AHNAK: variants seen among roughly 807,000 people sequenced by gnomAD.
AHNAK encodes the protein AHNAK nucleoprotein, also known as neuroblast differentiation-associated protein AHNAK.
A neutral mutation model predicts 37.8 loss-of-function variants in AHNAK; 23 were observed. That is an observed-to-expected ratio of 0.61 (90% CI 0.44 to 0.86). The LOEUF (loss-of-function observed/expected upper bound fraction) is 0.86. Ranked by LOEUF, AHNAK falls within the 40% of genes least tolerant of loss-of-function variation. The pLI is 0.00. For missense variants in AHNAK, 7,411 were observed against 7,319.4 expected (o/e 1.01, Z -0.46); for synonymous variants, 2,481 against 2,636.3 (o/e 0.94, Z 1.80).
intron 5 of AHNAK, among the ~76,000 whole-genome samples, chr11:62,489,506 T>C (rs778139600): frequency 2.0e-5 from 3 of 152,028 alleles, no homozygotes; most frequent in Non-Finnish European, 4.4e-5. Flanking sequence ...AGTCTATCCA[T>C]GGAGGAAAAG....
intron 5 of AHNAK, among the ~76,000 whole-genome samples, chr11:62,465,562 A>G (rs1565203531): frequency 6.6e-6 from 1 of 152,056 alleles, no homozygotes; most frequent in Non-Finnish European, 1.5e-5. Context: ...GCAGTGAGCC[A>G]AGATCGTGCC....
chr11:62,441,659 G>A (rs911296628), intron 5 of AHNAK, among the ~76,000 whole-genome samples: 10 of 151,632 alleles, frequency 6.6e-5, no homozygotes, highest in South Asian at 4.2e-4. Context: ...ATGCCATCAC[G>A]CCCAGCTAAC....
intron 5 of AHNAK, among the ~76,000 whole-genome samples, chr11:62,491,121 C>CA (rs1203624336): frequency 6.6e-6 from 1 of 152,022 alleles, no homozygotes. Flanking sequence ...CAATTACCTC[C>CA]AAAAAACAGT....
In AHNAK at chr11:62,520,355, C is replaced by T; in HGVS notation, c.14062G>A (p.Val4688Met). The T allele has an allele frequency of 6.2e-7, 1 of 1,613,488 alleles. No homozygotes were observed. The highest frequency in any genetic ancestry group is 8.5e-7 in the Non-Finnish European group (1 of 1,179,920). Residue 4688 changes from valine to methionine, a missense_variant, in exon 5 of 5, where the codon GTG (valine) becomes ATG (methionine). Val to Met is a conservative substitution (Grantham distance 21, BLOSUM62 1). Coordinates refer to ENST00000378024, the MANE Select transcript of AHNAK (RefSeq NM_001620.3). ...TTCACATCAGGAACATCAACGTCCA[C>T]TTTGGGTCCTGAGACATCAATGTCA... ...KADIDVSGPK[V>M]DVDVPDVNIE...
chr11:62,450,847 A>C (rs1046101274), intron 5 of AHNAK, among the ~76,000 whole-genome samples: 10 of 152,256 alleles, frequency 6.6e-5, no homozygotes, highest in Non-Finnish European at 1.2e-4. Context: ...TGCTGATGGC[A>C]GAAATATTAA....
In AHNAK at chr11:62,523,688, C is replaced by T. The variant is rs757057817; in HGVS notation, c.10729G>A (p.Val3577Ile). ...KLEGDLKGPE[V>I]DIKGPKVDIN... ...TCCACTTTAGGGCCTTTGATATCAACCTCTGGCCCTTTCAGATCCCCTTCA... is the reference window on the plus strand; with the variant it reads ...TCCACTTTAGGGCCTTTGATATCAATCTCTGGCCCTTTCAGATCCCCTTCA... Residue 3577 changes from valine (V) to isoleucine (I), a missense_variant, in exon 5 of 5, where the codon GTT (valine) becomes ATT (isoleucine). Transcript: ENST00000378024. 1.2e-6 allele frequency: 2 copies of T among 1,613,878 alleles called. No individual in the cohort carries two copies. The highest frequency in any genetic ancestry group is 4.5e-5 in the East Asian group (2 of 44,848).
Position 62,525,664 on chromosome 11 carries a change from A to G in AHNAK, c.8753T>C (p.Leu2918Pro), listed in dbSNP as rs1940453044. 6.2e-7 allele frequency: 1 copy of G among 1,613,702 alleles called. No homozygotes were observed. The highest frequency in any genetic ancestry group is 1.1e-5 in the South Asian group (1 of 91,076). ...TGAGACATCAACGTCAGCCTTGGGCAGGTTCACATCCACTTCAGGGCCCTC... is the reference window on the plus strand; with the variant it reads ...TGAGACATCAACGTCAGCCTTGGGCGGGTTCACATCCACTTCAGGGCCCTC... ...KAEGPEVDVNLPKADVDVSGP... is the reference protein window; with the variant it reads ...KAEGPEVDVNPPKADVDVSGP... The change falls in exon 5 of 5, where the codon CTG becomes CCG. Residue 2918 changes from leucine (L) to proline (P), a missense_variant. Physicochemically the swap from Leu to Pro is moderately conservative, Grantham distance 98. Transcript: ENST00000378024.
At chr11:62,446,269 G>C (rs1348456176) in intron 5 of AHNAK, among the ~76,000 whole-genome samples, 1 of 152,110 alleles carries the variant, frequency 6.6e-6, no homozygotes, top group Non-Finnish European at 1.5e-5. Flanking sequence ...ACCTGAACCT[G>C]GAACCTGAAA....
chr11:62,540,075 C>G (rs1165081554), intron 1 of AHNAK, among the ~76,000 whole-genome samples: 1 of 152,194 alleles, frequency 6.6e-6, no homozygotes, highest in Non-Finnish European at 1.5e-5. Context: ...CAGGCTTTCC[C>G]TGGAGGCTGA....
chr11:62,512,629 C>T (rs1052042411), downstream of AHNAK, among the ~76,000 whole-genome samples: 7 of 152,068 alleles, frequency 4.6e-5, no homozygotes, highest in African/African-American at 7.2e-5. This position sits in a 1 kb window ranked among gnomAD's most constrained non-coding sequence, Gnocchi z 4.0. Context: ...CTGGGCTAAG[C>T]GCGGTGGCTC....
rs767052344 is a variant in AHNAK, at chr11:62,491,825, G to A, written c.349C>T (p.Pro117Ser). The A allele has an allele frequency of 6.8e-6, 11 of 1,611,234 alleles. No homozygotes were observed. The South Asian group carries it at 1.2e-4, about 18-fold the overall frequency. The stretch of plus-strand genomic sequence containing the variant: ...TTGCATTCCAGTGCTGATGGCTGTG[G>A]TGTGTTCTAACAAGGATAAAGATTA... Residue 117 changes from proline to serine, a missense_variant, in exon 5 of 6, where the codon CCA becomes TCA. Transcript: ENST00000257247.
intron 5 of AHNAK, among the ~76,000 whole-genome samples, chr11:62,465,155 T>C (rs1403907062): frequency 6.6e-6 from 1 of 152,146 alleles, no homozygotes; most frequent in Non-Finnish European, 1.5e-5. Flanking sequence ...CCTCTCCCAG[T>C]TGGTGCCAAG....
chr11:62,444,190 T>C (rs1400193230), intron 5 of AHNAK, among the ~76,000 whole-genome samples: 1 of 152,048 alleles, frequency 6.6e-6, no homozygotes, highest in East Asian at 1.9e-4. Flanking sequence ...CTTTGGCAGA[T>C]AGGGAAATTT....
Position 62,523,268 on chromosome 11 carries a change from G to T in AHNAK, c.11149C>A (p.Pro3717Thr), listed in dbSNP as rs1446293687. Residue 3717 changes from proline (P) to threonine (T), a missense_variant, in exon 5 of 5, where the codon CCT becomes ACT. Pro to Thr is a conservative substitution (Grantham distance 38). Coordinates refer to ENST00000378024, the MANE Select transcript of AHNAK (RefSeq NM_001620.3). ...IKGPKVDIDT[P>T]DINIEGSEGK... is the part of the protein sequence containing the mutation. ...TCTGAGCCTTCGATGTTAATGTCAGGAGTGTCAATGTCCACTTTGGGGCCC... is the reference window on the plus strand; with the variant it reads ...TCTGAGCCTTCGATGTTAATGTCAGTAGTGTCAATGTCCACTTTGGGGCCC... 2 of 1,613,894 alleles carry T rather than the reference G, an allele frequency of 1.2e-6. No homozygotes were observed. Among genetic ancestry groups the T allele is most frequent in the Admixed American group, 1.7e-5 (1 of 59,998 alleles).
rs766424698 is a variant in AHNAK, at chr11:62,531,702, A to T, written c.2715T>A (p.Asp905Glu). The T allele has an allele frequency of 1.9e-6, 3 of 1,614,124 alleles. No homozygotes were observed. Among genetic ancestry groups the T allele is most frequent in the East Asian group, 2.2e-5 (1 of 44,876 alleles). The change falls in exon 5 of 5, where the codon GAT becomes GAA. Residue 905 changes from aspartate (D) to glutamate (E), a missense_variant. Coordinates refer to ENST00000378024, the MANE Select transcript of AHNAK (RefSeq NM_001620.3). ...PEVDVNLPKADVDISGPKVGV... is the reference protein window; with the variant it reads ...PEVDVNLPKAEVDISGPKVGV... Reference sequence around the variant, plus strand: ...CCACCTTGGGTCCTGAGATGTCCACATCAGCCTTGGGCAGGTTCACATCCA... The same window carrying T: ...CCACCTTGGGTCCTGAGATGTCCACTTCAGCCTTGGGCAGGTTCACATCCA...
intron 5 of AHNAK, among the ~76,000 whole-genome samples, chr11:62,468,371 A>T (rs57443489): frequency 0.86 from 128,301 of 149,550 alleles, 55,308 homozygotes; most frequent in Non-Finnish European, 0.9. Flanking sequence ...AAAAAAAAAA[A>T]ATATATATAT....
chr11:62,509,677 G>A (rs1939874802), intron 4 of AHNAK, among the ~76,000 whole-genome samples: 1 of 152,138 alleles, frequency 6.6e-6, no homozygotes, highest in Admixed American at 6.5e-5. Flanking sequence ...AGCACTTTGG[G>A]AGGCTGAGGC....
At position 62,535,036 on chromosome 11, in the gene AHNAK, T is replaced by A. The variant is rs1256819437; in HGVS notation, c.309A>T (p.Glu103Asp). Residue 103 changes from glutamate to aspartate, a missense_variant, in exon 4 of 5, where the codon GAA becomes GAT. Glu to Asp is a conservative substitution (Grantham distance 45, BLOSUM62 2). Transcript: ENST00000378024. ...SPEPGQTWTR[E>D]VFSSCSSEVV... ...CTTCAGAGCTGCAGGAGCTGAAGAC[T>A]TCACGGGTCCAGGTCTGGCCAGGCT... 6.2e-7 allele frequency: 1 copy of A among 1,613,180 alleles called. No homozygotes were observed. The highest frequency in any genetic ancestry group is 8.5e-7 in the Non-Finnish European group (1 of 1,179,322).
chr11:62,493,011 CTTT>C (rs960994580), intron 4 of AHNAK, among the ~76,000 whole-genome samples: 4 of 133,312 alleles, frequency 3.0e-5, no homozygotes, highest in Non-Finnish European at 1.6e-5. Flanking sequence ...CTTTTCTTTT[CTTT>C]TTTTTTTTTT....
Sources: allele counts gnomAD v4.1 joint callset (sites outside exome capture counted in the v4.1 genomes callset), GRCh38; gene constraint gnomAD v4.1.1; non-coding constraint Gnocchi (gnomAD v3.1); transcripts MANE v1.5; gene names NCBI Gene and HGNC (gene_info 2026-07-23, HGNC 2026-07-21).